CAPN5: variants seen among roughly 807,000 people sequenced by gnomAD.
The protein encoded by CAPN5 is calpain-5.
In CAPN5, 54 loss-of-function variants were observed where a neutral mutation model predicts 73.0. That is an observed-to-expected ratio of 0.74 (90% confidence interval 0.59 to 0.93). The LOEUF is 0.93. Ranked by LOEUF, CAPN5 falls within the 40% of genes least tolerant of loss-of-function variation. CAPN5 has a pLI of 0.00. For synonymous variants in CAPN5, 335 were observed against 356.9 expected (o/e 0.94, Z 0.69); for missense variants, 785 against 882.9 (o/e 0.89, Z 1.41).
Position 77,081,846 on chromosome 11 carries a change from G to A in CAPN5, c.-35-3006G>A, listed in dbSNP as rs182821253. On this transcript the variant is annotated intron_variant, in intron 1 of 12. Transcript: ENST00000648180. The stretch of plus-strand genomic sequence containing the variant: ...GGGTGAAGGGGTGGGCCCTGCTGCA[G>A]CAGACCTGAGTGCTGGCGTCTGTGA... Among the ~76,000 whole-genome samples, 553 of 152,234 alleles carry A rather than the reference G, an allele frequency of 3.6e-3. 4 individuals are homozygous for A. The highest frequency in any genetic ancestry group is 6.8e-3 in the Middle Eastern group (2 of 294).
At chr11:77,083,239 G>A (rs1950045395) in intron 1 of CAPN5, among the ~76,000 whole-genome samples, 1 of 152,208 alleles carries the variant, frequency 6.6e-6, no homozygotes, top group African/African-American at 2.4e-5. Context: ...ACTGCTCTCA[G>A]CTCCCTTGGC....
At position 77,088,379 on chromosome 11, in the gene CAPN5, GGCA is replaced by G. The variant is rs60084693; in HGVS notation, c.165+3331_165+3333del. 8.9e-3 allele frequency among the ~76,000 whole-genome samples: 1,354 copies of G among 152,314 alleles called. 20 individuals are homozygous for G. The highest frequency in any genetic ancestry group is 0.031 in the African/African-American group (1,279 of 41,560). ...GAACAGTCAGTTTGCAGCAAGGCCT[GGCA>G]GCGGGGGCACACCCAGCCGAACTGC... On this transcript the variant is annotated intron_variant, in intron 2 of 12. Transcript: ENST00000648180.
At position 77,120,814 on chromosome 11, in the gene CAPN5, C is replaced by G. The variant is rs782142546; in HGVS notation, c.1392C>G (p.Pro464=). The G allele has an allele frequency of 8.1e-6, 13 of 1,614,190 alleles. No homozygotes were observed. Among genetic ancestry groups the G allele is most frequent in the South Asian group, 1.1e-5 (1 of 91,070 alleles). ...SRSVFLRTDQ[P]EGRYVIIPTT... is the part of the protein sequence containing the mutation. ...GCGTCTTCCTGCGCACCGACCAGCC[C>G]GAGGGCCGCTATGTCATCATCCCCA... Residue 464 remains proline (P), a synonymous_variant, in exon 10 of 13, where the codon CCC becomes CCG. Coordinates refer to ENST00000648180, the MANE Select transcript of CAPN5 (RefSeq NM_004055.5).
intron 3 of CAPN5, among the ~76,000 whole-genome samples, chr11:77,095,439 T>G (rs763039963): frequency 6.6e-6 from 1 of 152,198 alleles, no homozygotes. Flanking sequence ...TGTTTATCTT[T>G]CACCTCCCCC....
At chr11:77,081,832 TG>T (rs1950031190) in intron 1 of CAPN5, among the ~76,000 whole-genome samples, 2 of 151,820 alleles carry the variant, frequency 1.3e-5, no homozygotes, top group South Asian at 4.2e-4. Flanking sequence ...GGTGAAGGGG[TG>T]GGCCCTGCTG....
rs571806583 is a variant in CAPN5 at position 77,125,096 on chromosome 11, C to T, written c.*1226C>T. ...TTTGCTGGTCCTCTGGAGAACTCTT[C>T]GTGAGCACTGGTGCCGTGACCCACT... On this transcript the variant is annotated 3_prime_UTR_variant, in exon 13 of 13. Transcript: ENST00000648180. 1 of 152,536 alleles carries T rather than the reference C, an allele frequency of 6.6e-6. No homozygotes were observed. Among genetic ancestry groups the T allele is most frequent in the South Asian group, 2.1e-4 (1 of 4,832 alleles). 9.4% of individuals were successfully genotyped at this position (152,536 alleles called of 1,614,324 possible).
intron 9 of CAPN5, 111 bp downstream of exon 9, chr11:77,119,263 C>T: frequency 2.4e-6 from 3 of 1,227,216 alleles, no homozygotes; most frequent in Non-Finnish European, 3.4e-6. Context: ...CTGCCGCTGC[C>T]CTGGCTGCCG....
chr11:77,101,674 G>A (rs970128863), intron 3 of CAPN5, among the ~76,000 whole-genome samples: 4 of 152,116 alleles, frequency 2.6e-5, no homozygotes, highest in South Asian at 2.1e-4. Flanking sequence ...ATTGTTTTCC[G>A]TTGTGATACC....
At chr11:77,108,966 G>A (rs1391498063) in intron 3 of CAPN5, among the ~76,000 whole-genome samples, 3 of 152,148 alleles carry the variant, frequency 2.0e-5, no homozygotes, top group Admixed American at 1.3e-4. Context: ...GTCCTGTAGG[G>A]TTTCCCATGG....
rs1172264325 is a variant in CAPN5 at position 77,119,041 on chromosome 11, A to G, written c.1179A>G (p.Glu393=). 2 of 1,613,328 alleles carry G rather than the reference A, an allele frequency of 1.2e-6. No homozygotes were observed. The highest frequency in any genetic ancestry group is 1.7e-5 in the Admixed American group (1 of 59,952). The change falls in exon 9 of 13, where the codon GAA becomes GAG. Residue 393 remains glutamate, a synonymous_variant. Transcript: ENST00000648180. ...GGCCACACCTGCAGTACATCTTCGA[A>G]GTCAAGAAGCCAGAAGATGAAGTCC... The part of the protein sequence containing the change: ...TFFQNPQYIF[E]VKKPEDEVLI...
intron 1 of CAPN5, among the ~76,000 whole-genome samples, chr11:77,079,132 G>A (rs1950003319): frequency 6.6e-6 from 1 of 150,964 alleles, no homozygotes; most frequent in Non-Finnish European, 1.5e-5. Flanking sequence ...CTTTTAATGT[G>A]CTTTTGAATT....
intron 5 of CAPN5, 47 bp from the exon 6 acceptor site, chr11:77,115,348 G>T: frequency 6.6e-7 from 1 of 1,513,408 alleles, no homozygotes; most frequent in Non-Finnish European, 9.0e-7. Context: ...CCCTGGTCTG[G>T]GTTCCAGTGT....
intron 1 of CAPN5, among the ~76,000 whole-genome samples, chr11:77,083,251 G>T (rs1436376194): frequency 6.6e-6 from 1 of 152,228 alleles, no homozygotes; most frequent in Non-Finnish European, 1.5e-5. Flanking sequence ...TCCCTTGGCA[G>T]GTGGGGGGAC....
At chr11:77,107,943 C>T (rs899591871) in intron 3 of CAPN5, among the ~76,000 whole-genome samples, 4 of 152,200 alleles carry the variant, frequency 2.6e-5, no homozygotes, top group African/African-American at 9.7e-5. Flanking sequence ...GTGTGCACAG[C>T]TCTCTACAGT....
At chr11:77,079,495 T>C (rs1440398489) in intron 1 of CAPN5, among the ~76,000 whole-genome samples, 1 of 151,890 alleles carries the variant, frequency 6.6e-6, no homozygotes, top group Non-Finnish European at 1.5e-5. Flanking sequence ...TTTACTATTC[T>C]ATTATATGAA....
At chr11:77,107,527 A>G (rs1950364643) in intron 3 of CAPN5, among the ~76,000 whole-genome samples, 1 of 152,008 alleles carries the variant, frequency 6.6e-6, no homozygotes, top group South Asian at 2.1e-4. Context: ...ACTCTGTCGC[A>G]CAGCTGGGCA....
intron 12 of CAPN5, among the ~76,000 whole-genome samples, 200 bp downstream of exon 12, chr11:77,122,912 A>G (rs1352449502): frequency 2.0e-5 from 3 of 152,092 alleles, no homozygotes; most frequent in African/African-American, 7.2e-5. Context: ...GGTGAATTGG[A>G]TTAGTTGGTG....
At chr11:77,114,079 G>A (rs1378122274) in intron 4 of CAPN5, among the ~76,000 whole-genome samples, 163 bp from the exon 5 acceptor site, 2 of 151,842 alleles carry the variant, frequency 1.3e-5, no homozygotes, top group South Asian at 2.1e-4. Flanking sequence ...ATGTTGGCCC[G>A]AGTGTTAAGA....
At chr11:77,105,096 C>T (rs1444102152) in intron 3 of CAPN5, among the ~76,000 whole-genome samples, 2 of 151,794 alleles carry the variant, frequency 1.3e-5, no homozygotes, top group Non-Finnish European at 2.9e-5. Flanking sequence ...CTTCCTGCAG[C>T]TCTGGGGACC....
Sources: gnomAD v4.1 joint callset for allele counts (sites outside exome capture counted in the v4.1 genomes callset) on GRCh38, gnomAD v4.1.1 for gene constraint, MANE v1.5 for transcripts, NCBI Gene and HGNC (gene_info 2026-07-23, HGNC 2026-07-21) for gene names.